NCKAP5: variants seen among roughly 807,000 people sequenced by gnomAD.
The protein encoded by NCKAP5 is nck-associated protein 5.
A neutral mutation model predicts 167.0 loss-of-function variants in NCKAP5; 92 were observed. That is an observed-to-expected ratio of 0.55 (90% CI 0.47 to 0.66). The LOEUF is 0.66. NCKAP5 is among the 30% of genes least tolerant of loss of function. NCKAP5 has a pLI of 0.00. For missense variants in NCKAP5, 2,378 were observed against 2,315.0 expected, an observed-to-expected ratio of 1.03 and a Z score of -0.56; for synonymous variants, 891 against 877.4, an observed-to-expected ratio of 1.02 and a Z score of -0.27.
At chr2:133,274,314 A>T (rs1162269132) in intron 4 of NCKAP5, among the ~76,000 whole-genome samples, 6 of 152,076 alleles carry the variant, frequency 3.9e-5, no homozygotes. Flanking sequence ...AAAAAAATTT[A>T]GAAGATACGA....
At chr2:132,956,520 C>T (rs1376702737) in intron 8 of NCKAP5, among the ~76,000 whole-genome samples, 1 of 152,182 alleles carries the variant, frequency 6.6e-6, no homozygotes, top group Admixed American at 6.5e-5. Flanking sequence ...TTCTTGCATT[C>T]ATACTTCTCT....
rs576515369 is a variant in NCKAP5, at chr2:133,192,584, G to C, written c.207+21132C>G. ...AAAAAATACAATTCAATTAGAAAAC[G>C]GGCAAAAAGACATGTAGAGACATTT... On this transcript the variant is annotated intron_variant, in intron 5 of 19. Coordinates refer to ENST00000409261, the MANE Select transcript of NCKAP5 (RefSeq NM_207363.3). 3.3e-5 allele frequency among the ~76,000 whole-genome samples: 5 copies of C among 151,858 alleles called. No individual in the cohort carries two copies. In the South Asian group the frequency reaches 1.0e-3, roughly 32 times the overall value.
At chr2:132,832,550 T>C (rs1377520112) in intron 11 of NCKAP5, among the ~76,000 whole-genome samples, 2 of 152,108 alleles carry the variant, frequency 1.3e-5, no homozygotes, top group Non-Finnish European at 2.9e-5. Flanking sequence ...GTCTCTACTG[T>C]CTATAATTCC....
chr2:132,687,321 T>G (rs188710432), intron 19 of NCKAP5, among the ~76,000 whole-genome samples: 1 of 152,218 alleles, frequency 6.6e-6, no homozygotes, highest in Admixed American at 6.5e-5. Context: ...AACAGACCAA[T>G]GTAACAGGTA....
chr2:133,006,404 T>C (rs72996808), intron 6 of NCKAP5, among the ~76,000 whole-genome samples: 1,658 of 152,312 alleles, frequency 0.011, 20 homozygotes, highest in African/African-American at 0.037. Context: ...TTAATATTTC[T>C]CCACAGTTGT....
chr2:132,996,868 C>T (rs1405547359), intron 6 of NCKAP5, among the ~76,000 whole-genome samples: 1 of 152,216 alleles, frequency 6.6e-6, no homozygotes, highest in Non-Finnish European at 1.5e-5. Flanking sequence ...CATGAAGATT[C>T]ATAGACCCAA....
In NCKAP5 at chr2:132,936,143, G is replaced by A. The variant is rs368037932; in HGVS notation, c.579+27577C>T. Among the ~76,000 whole-genome samples, 37 of 151,872 alleles carry A rather than the reference G, an allele frequency of 2.4e-4. No homozygotes were observed. In the East Asian group the frequency reaches 2.7e-3, roughly 11 times the overall value. On this transcript the variant is annotated intron_variant, in intron 8 of 19. Coordinates refer to ENST00000409261, the MANE Select transcript of NCKAP5 (RefSeq NM_207363.3). ...ATTACAGGCGCTCGCCACCATGCCC[G>A]GCTAATTTTTGTGTTTTTAGCAGAG...
intron 8 of NCKAP5, among the ~76,000 whole-genome samples, chr2:132,894,237 A>G (rs1018583013): frequency 6.6e-6 from 1 of 151,856 alleles, no homozygotes; most frequent in Non-Finnish European, 1.5e-5. Flanking sequence ...GGCGAGGAAG[A>G]CCTACATTTG....
At chr2:133,029,302 G>C (rs2078800857) in intron 6 of NCKAP5, among the ~76,000 whole-genome samples, 1 of 152,134 alleles carries the variant, frequency 6.6e-6, no homozygotes, top group Non-Finnish European at 1.5e-5. Context: ...AGTATATTAT[G>C]ACATTTTCTT....
intron 3 of NCKAP5, among the ~76,000 whole-genome samples, chr2:133,345,811 A>G (rs1047198686): frequency 6.6e-6 from 1 of 151,794 alleles, no homozygotes; most frequent in Non-Finnish European, 1.5e-5. Flanking sequence ...CTGGGGATAA[A>G]GGAAGTGCAG....
chr2:133,276,749 T>C (rs1427144689), intron 4 of NCKAP5, among the ~76,000 whole-genome samples: 1 of 152,036 alleles, frequency 6.6e-6, no homozygotes, highest in African/African-American at 2.4e-5. Context: ...AAAAATGAAA[T>C]GACAGGGTGA....
At chr2:132,938,214 G>C (rs113148137) in intron 8 of NCKAP5, among the ~76,000 whole-genome samples, 1 of 152,138 alleles carries the variant, frequency 6.6e-6, no homozygotes, top group African/African-American at 2.4e-5. Context: ...CCCTCTATTG[G>C]CCTGTCAGTC....
chr2:132,994,322 T>C, intron 6 of NCKAP5, 83 bp from the exon 7 acceptor site: 1 of 909,524 alleles, frequency 1.1e-6, no homozygotes, highest in South Asian at 1.6e-5. Context: ...ATCACTCTTC[T>C]ATGCGTATTT....
intron 6 of NCKAP5, among the ~76,000 whole-genome samples, chr2:133,066,498 C>A (rs945135092): frequency 6.6e-6 from 1 of 152,092 alleles, no homozygotes; most frequent in Non-Finnish European, 1.5e-5. Context: ...GTTTCAAAAT[C>A]ATTCATATCT....
intron 3 of NCKAP5, among the ~76,000 whole-genome samples, chr2:133,372,595 G>T (rs1045129809): frequency 1.3e-5 from 2 of 152,080 alleles, no homozygotes; most frequent in Non-Finnish European, 2.9e-5. Context: ...TTTGAGGTTT[G>T]TCTCCAACTT....
intron 6 of NCKAP5, among the ~76,000 whole-genome samples, chr2:133,038,404 C>T (rs573878480): frequency 3.3e-5 from 5 of 151,826 alleles, no homozygotes; most frequent in Non-Finnish European, 5.9e-5. Flanking sequence ...ACTTATTTGT[C>T]GGATCTAAAA....
At chr2:133,599,870 G>C in the NCKAP5 span, among the ~76,000 whole-genome samples, 1 of 152,266 alleles carries the variant, frequency 6.6e-6, no homozygotes, top group Non-Finnish European at 1.5e-5. Context: ...GGCTTTCCCA[G>C]TGCCCCTTGG....
chr2:133,437,340 G>C (rs1223075324), intron 3 of NCKAP5, among the ~76,000 whole-genome samples: 2 of 146,760 alleles, frequency 1.4e-5, no homozygotes, highest in East Asian at 4.2e-4. Context: ...GTGACAGTGC[G>C]AGACTCTGTC....
intron 3 of NCKAP5, among the ~76,000 whole-genome samples, chr2:133,313,144 A>T (rs1681363890): frequency 1.3e-5 from 2 of 152,236 alleles, no homozygotes; most frequent in Non-Finnish European, 2.9e-5. Flanking sequence ...GGTTAGATGG[A>T]AACTAGCTAC....
Sources: gnomAD v4.1 joint callset for allele counts (sites outside exome capture counted in the v4.1 genomes callset) on GRCh38, gnomAD v4.1.1 for gene constraint, MANE v1.5 for transcripts, NCBI Gene and HGNC (gene_info 2026-07-23, HGNC 2026-07-21) for gene names.